The following P3H2 variants were observed in gnomAD, a reference collection of about 807,000 sequenced individuals.
P3H2 encodes prolyl 3-hydroxylase 2, also known as leprecan-like 1.
In P3H2, 80 loss-of-function variants were observed where a neutral mutation model predicts 87.0. The observed-to-expected ratio is 0.92, with a 90% CI of 0.77 to 1.11. P3H2 has a LOEUF of 1.11. Among genes scored for constraint, P3H2 ranks in the 50% least tolerant of loss-of-function variants. The probability of loss-of-function intolerance (pLI) is 0.00; values close to 1 mark genes in which losing one functional copy is unlikely to be tolerated. For synonymous variants in P3H2, 367 were observed against 359.3 expected (o/e 1.02, Z -0.24); for missense variants, 1,001 against 923.9 (o/e 1.08, Z -1.08).
intron 1 of P3H2, among the ~76,000 whole-genome samples, chr3:190,043,532 T>C (rs988326498): frequency 6.6e-6 from 1 of 152,212 alleles, no homozygotes; most frequent in Admixed American, 6.5e-5. Context: ...TACACAAGAA[T>C]TTCCTATTGA....
intron 1 of P3H2, among the ~76,000 whole-genome samples, chr3:190,117,298 C>T (rs1712327532): frequency 6.6e-6 from 1 of 152,210 alleles, no homozygotes; most frequent in Non-Finnish European, 1.5e-5. Context: ...CCCTCCAACA[C>T]ACCAGCACAA....
chr3:189,990,305 G>T (rs536475102), intron 3 of P3H2, among the ~76,000 whole-genome samples: 1 of 152,160 alleles, frequency 6.6e-6, no homozygotes, highest in African/African-American at 2.4e-5. Context: ...TATTTGATTA[G>T]CATGTTAGAA....
In P3H2 at chr3:190,046,966, A is replaced by G. The variant is rs28472438; in HGVS notation, c.481-51524T>C. Among the ~76,000 whole-genome samples, 1,052 of 152,290 alleles carry G rather than the reference A, an allele frequency of 6.9e-3. 16 individuals are homozygous for G. Among genetic ancestry groups the G allele is most frequent in the African/African-American group, 0.025 (1,024 of 41,580 alleles). On this transcript the variant is annotated intron_variant, in intron 1 of 14. Transcript: ENST00000319332. ...GCAAAGAGATAACCTACAGAATGGG[A>G]GAAATATTTGCAAACTATTTATCTA...
At chr3:190,050,805 T>C (rs1398522668) in intron 1 of P3H2, among the ~76,000 whole-genome samples, 1 of 152,156 alleles carries the variant, frequency 6.6e-6, no homozygotes. Context: ...TCTATTACAT[T>C]AGAAGAATGA....
At chr3:190,099,247 A>G (rs1421524947) in intron 1 of P3H2, among the ~76,000 whole-genome samples, 6 of 152,234 alleles carry the variant, frequency 3.9e-5, no homozygotes, top group African/African-American at 1.4e-4. Context: ...AACGAAGAAT[A>G]AACTTCTGGC....
At chr3:190,118,547 A>G (rs1333898447) in intron 1 of P3H2, among the ~76,000 whole-genome samples, 1 of 151,698 alleles carries the variant, frequency 6.6e-6, no homozygotes, top group Non-Finnish European at 1.5e-5. Context: ...AGGAGGCACA[A>G]GCAAGCAGAA....
intron 6 of P3H2, among the ~76,000 whole-genome samples, chr3:189,986,358 G>A (rs1391364663): frequency 6.6e-6 from 1 of 152,204 alleles, no homozygotes; most frequent in Non-Finnish European, 1.5e-5. Flanking sequence ...GCTGAGGCGG[G>A]CGGATCACCT....
At chr3:190,079,341 A>AAAATAAATAAATAAAT (rs200007107) in intron 1 of P3H2, among the ~76,000 whole-genome samples, 8 of 141,958 alleles carry the variant, frequency 5.6e-5, no homozygotes, top group East Asian at 4.0e-4. Context: ...TCTGTCTCAA[A>AAAATAAATAAATAAAT]AAATAAATAA....
intron 1 of P3H2, among the ~76,000 whole-genome samples, chr3:190,098,155 C>T (rs576225631): frequency 1.3e-5 from 2 of 152,202 alleles, no homozygotes; most frequent in African/African-American, 2.4e-5. Context: ...CATTTGTATA[C>T]ACTACATTTG....
At chr3:190,049,279 T>C (rs1577295985) in intron 1 of P3H2, among the ~76,000 whole-genome samples, 1 of 146,562 alleles carries the variant, frequency 6.8e-6, no homozygotes, top group Non-Finnish European at 1.5e-5. Context: ...GTTTTTTTTT[T>C]CAGTCATATT....
chr3:189,959,954 C>A (rs10433487), intron 14 of P3H2, among the ~76,000 whole-genome samples: 10,386 of 150,572 alleles, frequency 0.069, 967 homozygotes, highest in East Asian at 0.32. Context: ...AGTTAGAATA[C>A]AATTCGCATT....
chr3:189,990,205 T>A (rs2108921065), intron 3 of P3H2, among the ~76,000 whole-genome samples: 1 of 152,310 alleles, frequency 6.6e-6, no homozygotes, highest in Admixed American at 6.5e-5. Flanking sequence ...CTTGGCTAAC[T>A]GAATCATTTA....
chr3:190,069,233 C>T (rs1468938377), intron 1 of P3H2, among the ~76,000 whole-genome samples: 1 of 152,140 alleles, frequency 6.6e-6, no homozygotes, highest in Non-Finnish European at 1.5e-5. Context: ...TATGATGACA[C>T]AGTCTTGGTT....
At chr3:190,066,019 G>A (rs1048994895) in intron 1 of P3H2, among the ~76,000 whole-genome samples, 1 of 151,840 alleles carries the variant, frequency 6.6e-6, no homozygotes, top group African/African-American at 2.4e-5. Context: ...GGTTTTGAAG[G>A]TTCCTTTTGG....
intron 1 of P3H2, among the ~76,000 whole-genome samples, chr3:190,095,895 C>T (rs1468885606): frequency 1.3e-5 from 2 of 152,032 alleles, no homozygotes; most frequent in African/African-American, 4.8e-5. Flanking sequence ...AGCCACCGCG[C>T]CCGGCCAAAA....
intron 1 of P3H2, among the ~76,000 whole-genome samples, chr3:190,049,436 G>GA (rs111313545): frequency 0.014 from 2,190 of 151,952 alleles, 55 homozygotes; most frequent in African/African-American, 0.049. Flanking sequence ...GAGGGAAAGG[G>GA]AAAAAAAGAA....
intron 1 of P3H2, among the ~76,000 whole-genome samples, chr3:190,056,050 A>T (rs112834263): frequency 0.011 from 1,715 of 152,252 alleles, 36 homozygotes; most frequent in African/African-American, 0.039. Context: ...TGGGGCTATG[A>T]CATGATAAGA....
intron 1 of P3H2, among the ~76,000 whole-genome samples, chr3:190,100,261 C>CCCACAAA (rs1491211454): frequency 1.5e-5 from 2 of 130,928 alleles, no homozygotes; most frequent in African/African-American, 6.3e-5. Context: ...CCCCCCCCCC[C>CCCACAAA]AAAAAAAACA....
chr3:190,019,796 A>G (rs1230989558), intron 1 of P3H2, among the ~76,000 whole-genome samples: 2,624 of 53,158 alleles, frequency 0.049, 422 homozygotes, highest in African/African-American at 0.1. Flanking sequence ...ATATATATAT[A>G]TATATATATA....
Sources: gnomAD v4.1 joint callset for allele counts (sites outside exome capture counted in the v4.1 genomes callset) on GRCh38, gnomAD v4.1.1 for gene constraint, MANE v1.5 for transcripts, NCBI Gene and HGNC (gene_info 2026-07-23, HGNC 2026-07-21) for gene names.